Variants in ACSM3 observed in about 807,000 individuals in gnomAD.
ACSM3 encodes the protein acyl-CoA synthetase medium chain family member 3.
ACSM3 carries 61 observed loss-of-function variants against 74.1 expected under a neutral mutation model. The observed-to-expected ratio is 0.82, with a 90% CI of 0.67 to 1.02. The LOEUF is 1.02. Ranked by LOEUF, ACSM3 falls within the 50% of genes least tolerant of loss-of-function variation. ACSM3 has a pLI of 0.00. For missense variants in ACSM3, 660 were observed against 697.0 expected (o/e 0.95, Z 0.60); for synonymous variants, 213 against 241.5 (o/e 0.88, Z 1.09).
intron 1 of ACSM3, among the ~76,000 whole-genome samples, chr16:20,710,425 A>T (rs1294055508): frequency 6.6e-6 from 1 of 152,256 alleles, no homozygotes; most frequent in African/African-American, 2.4e-5. Context: ...TATAGTATGC[A>T]TACTATAAAA....
chr16:20,698,627 G>A (rs545775480), intron 1 of ACSM3, among the ~76,000 whole-genome samples: 1 of 152,176 alleles, frequency 6.6e-6, no homozygotes, highest in East Asian at 1.9e-4. Context: ...TCTTGCCTCA[G>A]CCTCCCAAGT....
At chr16:20,684,039 G>C (rs1460823949) in intron 1 of ACSM3, among the ~76,000 whole-genome samples, 1 of 152,164 alleles carries the variant, frequency 6.6e-6, no homozygotes, top group Non-Finnish European at 1.5e-5. Context: ...ATATGATCAA[G>C]AGTATGGCAG....
intron 1 of ACSM3, chr16:20,682,325 G>C (rs2152311016): frequency 1.2e-6 from 2 of 1,614,032 alleles, no homozygotes; most frequent in Non-Finnish European, 1.7e-6. Flanking sequence ...GGTTTTCAGA[G>C]AGGGGCACTG....
chr16:20,682,643 C>T (rs1387528047), intron 1 of ACSM3, among the ~76,000 whole-genome samples: 1 of 152,202 alleles, frequency 6.6e-6, no homozygotes, highest in African/African-American at 2.4e-5. Context: ...CCTACAGAAT[C>T]AGAATCTGCA....
intron 11 of ACSM3, 28 bp downstream of exon 11, chr16:20,792,157 G>T: frequency 6.2e-7 from 1 of 1,614,078 alleles, no homozygotes; most frequent in East Asian, 2.2e-5. Context: ...ATGTGCATAT[G>T]TCTGTGTTAA....
At chr16:20,765,473 G>T (rs776598612) in intron 1 of ACSM3, among the ~76,000 whole-genome samples, 2 of 152,152 alleles carry the variant, frequency 1.3e-5, no homozygotes, top group Non-Finnish European at 2.9e-5. Flanking sequence ...TCTGAATGTG[G>T]TGTAGAGTAT....
At chr16:20,725,741 G>A (rs1489652346) in intron 1 of ACSM3, among the ~76,000 whole-genome samples, 1 of 152,158 alleles carries the variant, frequency 6.6e-6, no homozygotes, top group Non-Finnish European at 1.5e-5. Context: ...GGAAGCTGAG[G>A]CGGGCAGATC....
chr16:20,796,724 T>A, intron 13 of ACSM3, 162 bp from the exon 14 acceptor site: 1 of 1,491,896 alleles, frequency 6.7e-7, no homozygotes, highest in Non-Finnish European at 8.9e-7. Flanking sequence ...CAAGACAACT[T>A]TCCTAACAAT....
At chr16:20,709,008 G>T (rs2079735401) in intron 1 of ACSM3, among the ~76,000 whole-genome samples, 3 of 152,242 alleles carry the variant, frequency 2.0e-5, no homozygotes, top group Admixed American at 1.3e-4. Flanking sequence ...AACTTCCTCA[G>T]ATAACATAAT....
intron 1 of ACSM3, chr16:20,729,487 G>T: frequency 1.6e-6 from 1 of 640,486 alleles, no homozygotes; most frequent in Non-Finnish European, 2.9e-6. Context: ...TGGAGAGTGT[G>T]CTTGCTGAGC....
intron 1 of ACSM3, chr16:20,681,839 C>T (rs929517529): frequency 2.6e-5 from 4 of 155,664 alleles, no homozygotes; most frequent in African/African-American, 9.6e-5. Flanking sequence ...AATTCACTGC[C>T]TGTTTTTCCG....
intron 1 of ACSM3, chr16:20,727,307 C>T: frequency 1.8e-6 from 1 of 564,198 alleles, no homozygotes; most frequent in Admixed American, 2.0e-5. Context: ...ACTCAGGTTC[C>T]TCTCAAAAAG....
At chr16:20,785,594 TAAG>T (rs1479512492) in intron 8 of ACSM3, among the ~76,000 whole-genome samples, 1 of 151,556 alleles carries the variant, frequency 6.6e-6, no homozygotes, top group African/African-American at 2.4e-5. Flanking sequence ...AAAAATGAAA[TAAG>T]AACAAAAAAT....
intron 10 of ACSM3, among the ~76,000 whole-genome samples, chr16:20,791,185 TC>T (rs1264917102): frequency 6.6e-6 from 1 of 152,200 alleles, no homozygotes; most frequent in Non-Finnish European, 1.5e-5. Context: ...TAATAAAAGA[TC>T]CAGATGCTAC....
intron 1 of ACSM3, among the ~76,000 whole-genome samples, chr16:20,692,478 G>T (rs1009714258): frequency 6.6e-6 from 1 of 152,170 alleles, no homozygotes; most frequent in African/African-American, 2.4e-5. Context: ...TTAAGGTAAA[G>T]CTTTGTGGAG....
intron 1 of ACSM3, among the ~76,000 whole-genome samples, chr16:20,741,170 G>A (rs543537731): frequency 4.7e-4 from 71 of 152,304 alleles, no homozygotes; most frequent in African/African-American, 1.4e-3. Context: ...GCTGAGACAG[G>A]AGAAGTCGAG....
At chr16:20,737,281 C>T (rs749553917) in intron 1 of ACSM3, 4 of 1,605,092 alleles carry the variant, frequency 2.5e-6, no homozygotes, top group Non-Finnish European at 3.4e-6. Flanking sequence ...AGGGTGCACA[C>T]TATTCCTGTA....
chr16:20,768,715 G>A (rs544678105), intron 1 of ACSM3, among the ~76,000 whole-genome samples: 17 of 152,058 alleles, frequency 1.1e-4, no homozygotes, highest in South Asian at 4.2e-4. Flanking sequence ...AAATCCTGTC[G>A]AATGACAGTA....
chr16:20,690,881 A>G lies in ACSM3; in HGVS notation c.-190+16059A>G, dbSNP rs566157828. On this transcript the variant is annotated intron_variant, in intron 1 of 3. Coordinates refer to the ACSM3 transcript ENST00000561584. ...TTGAAATATAAGCTTCTTCCACAAC[A>G]CTGATAAGTTGAGGCAGAAGTAACT... The G allele has an allele frequency of 1.2e-4, 118 of 968,740 alleles. No individual in the cohort carries two copies. In the South Asian group the frequency reaches 1.3e-3, roughly 11 times the overall value. The allele number at this position is 968,740 out of a possible 1,614,324, so 60.0% of individuals were successfully genotyped here.
Sources: gnomAD v4.1 joint callset for allele counts (sites outside exome capture counted in the v4.1 genomes callset) on GRCh38, gnomAD v4.1.1 for gene constraint, MANE v1.5 for transcripts, NCBI Gene and HGNC (gene_info 2026-07-23, HGNC 2026-07-21) for gene names.